The following RERE variants were observed in gnomAD, a reference collection of about 807,000 sequenced individuals.
RERE encodes arginine-glutamic acid dipeptide repeats.
In RERE, 40 loss-of-function variants were observed where a neutral mutation model predicts 146.1. The ratio of observed to expected loss-of-function variants is 0.27; its 90% confidence interval spans 0.21 to 0.36. The LOEUF is 0.36. Among genes scored for constraint, RERE ranks in the 10% least tolerant of loss-of-function variants. The pLI, the probability that RERE is intolerant of heterozygous loss-of-function variation, is 1.00. For synonymous variants in RERE, 1,003 were observed against 866.0 expected (o/e 1.16, Z -2.78); for missense variants, 1,933 against 2,138.7 (o/e 0.90, Z 1.90).
intron 1 of RERE, among the ~76,000 whole-genome samples, chr1:8,772,048 A>G (rs115682443): frequency 6.6e-6 from 1 of 152,200 alleles, no homozygotes; most frequent in Admixed American, 6.5e-5. Flanking sequence ...ACATGTACAT[A>G]TGTAATATCT....
At chr1:8,485,293 G>A (rs1476420753) in intron 10 of RERE, among the ~76,000 whole-genome samples, 4 of 152,068 alleles carry the variant, frequency 2.6e-5, no homozygotes, top group South Asian at 4.2e-4. Flanking sequence ...CCTGGGAGGC[G>A]GAGGTTGTGG....
In RERE at chr1:8,360,532, G is replaced by T; in HGVS notation, c.2975C>A (p.Pro992His). The T allele has an allele frequency of 1.7e-6, 2 of 1,160,420 alleles. No individual in the cohort carries two copies. Among genetic ancestry groups the T allele is most frequent in the Non-Finnish European group, 1.1e-6 (1 of 892,408 alleles). 71.9% of individuals were successfully genotyped at this position (1,160,420 alleles called of 1,614,324 possible). A position where few individuals can be genotyped will look rare whatever the true frequency, so the allele number is the denominator to read the frequency against. The change falls in exon 18 of 23, where the codon CCT becomes CAT. Residue 992 changes from proline (P) to histidine (H), a missense_variant. Around this residue, in one of 11 missense-constraint regions of RERE, gnomAD observed 1,255 missense variants for 1,153.8 expected, o/e 1.09. Coordinates refer to ENST00000400908, the MANE Select transcript of RERE (RefSeq NM_001042681.2). ...CGAGGAGGGCAATGGCTGGCTCTGA[G>T]GCATGAGTTGCAGGGGTGGGGGGTG... ...SAHPPPLQLMPQSQPLPSSPA... is the reference protein window; with the variant it reads ...SAHPPPLQLMHQSQPLPSSPA...
intron 12 of RERE, among the ~76,000 whole-genome samples, chr1:8,419,205 T>C: frequency 6.6e-6 from 1 of 152,194 alleles, no homozygotes; most frequent in East Asian, 1.9e-4. Flanking sequence ...ATTTGACTTG[T>C]AGTTATTCTC....
chr1:8,526,300 T>C (rs1645570366), intron 7 of RERE, among the ~76,000 whole-genome samples: 1 of 151,800 alleles, frequency 6.6e-6, no homozygotes, highest in Admixed American at 6.6e-5. Flanking sequence ...TGTCTTTTTT[T>C]TTTTTTTTTT....
At chr1:8,496,630 T>G (rs1366003638) in intron 9 of RERE, among the ~76,000 whole-genome samples, 2 of 152,238 alleles carry the variant, frequency 1.3e-5, no homozygotes, top group Non-Finnish European at 2.9e-5. Context: ...ATACAAAGTC[T>G]GCCTGCCTGC....
At chr1:8,486,551 C>T (rs1644901735) in intron 10 of RERE, among the ~76,000 whole-genome samples, 1 of 151,576 alleles carries the variant, frequency 6.6e-6, no homozygotes. Context: ...ATTTAACATC[C>T]CACTTTAGAA....
At chr1:8,417,431 A>G (rs762578297) in intron 12 of RERE, among the ~76,000 whole-genome samples, 1 of 152,238 alleles carries the variant, frequency 6.6e-6, no homozygotes, top group Non-Finnish European at 1.5e-5. Context: ...TAAATTAAAA[A>G]TTTAAATCTC....
intron 1 of RERE, among the ~76,000 whole-genome samples, chr1:8,702,555 T>A (rs1024345808): frequency 6.6e-6 from 1 of 152,148 alleles, no homozygotes; most frequent in African/African-American, 2.4e-5. Flanking sequence ...AGTAGTTCGG[T>A]CCAAGAAGAA....
chr1:8,494,785 G>C (rs1159165744), intron 10 of RERE, among the ~76,000 whole-genome samples: 2 of 152,206 alleles, frequency 1.3e-5, no homozygotes, highest in Non-Finnish European at 2.9e-5. Flanking sequence ...TCTATGCACA[G>C]TACTTGGCTT....
At chr1:8,368,533 G>T (rs905713455) in intron 12 of RERE, among the ~76,000 whole-genome samples, 1 of 150,444 alleles carries the variant, frequency 6.6e-6, no homozygotes, top group Non-Finnish European at 1.5e-5. Flanking sequence ...AAAGCTATAC[G>T]AGACAAAAGG....
At chr1:8,750,618 T>C (rs1640513579) in intron 1 of RERE, 1 of 974,716 alleles carries the variant, frequency 1.0e-6, no homozygotes, top group Non-Finnish European at 1.6e-6. Flanking sequence ...TATAGGCAGA[T>C]GTACAGAACT....
chr1:8,523,120 G>T (rs913206437), intron 7 of RERE, among the ~76,000 whole-genome samples: 1 of 152,096 alleles, frequency 6.6e-6, no homozygotes, highest in African/African-American at 2.4e-5. Flanking sequence ...TCCCCAGGGA[G>T]GTCAAGGCTG....
At chr1:8,559,300 A>AAAAAC (rs1326015540) in intron 4 of RERE, among the ~76,000 whole-genome samples, 16 of 145,866 alleles carry the variant, frequency 1.1e-4, no homozygotes, top group Non-Finnish European at 2.0e-4. Flanking sequence ...AAAAAAAAAA[A>AAAAAC]AAAACAGAAC....
chr1:8,374,200 G>A (rs1467688701), intron 12 of RERE, among the ~76,000 whole-genome samples: 2 of 152,126 alleles, frequency 1.3e-5, no homozygotes, highest in East Asian at 1.9e-4. Flanking sequence ...GCAGTCCCTC[G>A]GTGCCACCTC....
chr1:8,717,445 A>G (rs1639786354), intron 1 of RERE, among the ~76,000 whole-genome samples: 2 of 152,200 alleles, frequency 1.3e-5, no homozygotes, highest in African/African-American at 4.8e-5. Flanking sequence ...CTCTAAGAAG[A>G]CCTAAATTAA....
At chr1:8,807,279 C>T (rs550822530) in intron 1 of RERE, among the ~76,000 whole-genome samples, 2 of 152,216 alleles carry the variant, frequency 1.3e-5, no homozygotes, top group Admixed American at 1.3e-4. Flanking sequence ...GTCTCAAACT[C>T]CTGGTCTCAA....
chr1:8,579,978 GGA>G (rs1314387023), intron 4 of RERE, among the ~76,000 whole-genome samples: 1 of 152,010 alleles, frequency 6.6e-6, no homozygotes, highest in Non-Finnish European at 1.5e-5. Flanking sequence ...ATCCAGCCTG[GGA>G]GAGAGAGAGC....
intron 10 of RERE, among the ~76,000 whole-genome samples, chr1:8,480,760 G>A (rs1268105605): frequency 2.0e-5 from 3 of 152,042 alleles, no homozygotes; most frequent in Non-Finnish European, 4.4e-5. Flanking sequence ...AATGTAAAAA[G>A]GCTAAAGGTT....
In RERE at chr1:8,699,033, C is replaced by T. The variant is rs2124435083; in HGVS notation, c.-144-42592G>A. Among the ~76,000 whole-genome samples, 2 of 152,282 alleles carry T rather than the reference C, an allele frequency of 1.3e-5. 1 individual carries two copies. The highest frequency in any genetic ancestry group is 4.1e-4 in the South Asian group (2 of 4,828). On this transcript the variant is annotated intron_variant, in intron 1 of 22. Transcript: ENST00000400908. Reference sequence around the variant, plus strand: ...AATTATGTTTGTAAGTTTCACGAATCATCATGCTCATTTTTATTTGTTTTG... The same window carrying T: ...AATTATGTTTGTAAGTTTCACGAATTATCATGCTCATTTTTATTTGTTTTG...
Sources: gnomAD v4.1 joint callset for allele counts (sites outside exome capture counted in the v4.1 genomes callset) on GRCh38, gnomAD v4.1.1 for gene constraint, gnomAD v4.1.1 regional missense constraint, MANE v1.5 for transcripts, NCBI Gene and HGNC (gene_info 2026-07-23, HGNC 2026-07-21) for gene names.